BBS9: variants seen among roughly 807,000 people sequenced by gnomAD.
BBS9 encodes the protein Bardet-Biedl syndrome 9.
In BBS9, 89 loss-of-function variants were observed where a neutral mutation model predicts 117.7. That is an observed-to-expected ratio of 0.76 (90% confidence interval 0.64 to 0.90). BBS9 has a LOEUF of 0.90. Among genes scored for constraint, BBS9 ranks in the 40% least tolerant of loss-of-function variants. BBS9 has a pLI of 0.00. For synonymous variants in BBS9, 379 were observed against 370.9 expected (o/e 1.02, Z -0.25); for missense variants, 982 against 1,042.2 (o/e 0.94, Z 0.80).
At chr7:33,502,714 C>CT (rs1250938426) in intron 19 of BBS9, among the ~76,000 whole-genome samples, 1 of 152,182 alleles carries the variant, frequency 6.6e-6, no homozygotes, top group Non-Finnish European at 1.5e-5. Context: ...GCCCCCTACA[C>CT]TCAGCTAGTA....
intron 5 of BBS9, among the ~76,000 whole-genome samples, chr7:33,195,795 G>T (rs1784843027): frequency 6.6e-6 from 1 of 151,770 alleles, no homozygotes; most frequent in South Asian, 2.1e-4. Flanking sequence ...TACTTTGATT[G>T]TTTTTTCAGC....
chr7:33,409,462 A>G (rs1331606356), intron 19 of BBS9, among the ~76,000 whole-genome samples: 3 of 152,128 alleles, frequency 2.0e-5, no homozygotes, highest in African/African-American at 4.8e-5. Context: ...ATTGATGGTT[A>G]TAGGTGTGCA....
chr7:33,215,610 C>T (rs1177155484), intron 5 of BBS9, among the ~76,000 whole-genome samples: 2 of 152,102 alleles, frequency 1.3e-5, no homozygotes, highest in Non-Finnish European at 2.9e-5. Context: ...CAGAAATGCA[C>T]ACACACACAT....
rs145212564 is a variant in BBS9, at chr7:33,614,548, T to C, written c.2522-20629T>C. ...GGTCAGAGGGCAAACCACTGCCCTG[T>C]GGTTTGGAGAAAAATACAGGTGCAT... On this transcript the variant is annotated intron_variant, in intron 21 of 21. Transcript: ENST00000671952. 1.1e-3 allele frequency among the ~76,000 whole-genome samples: 163 copies of C among 152,108 alleles called. 1 individual carries two copies. Among genetic ancestry groups the C allele is most frequent in the African/African-American group, 3.6e-3 (151 of 41,512 alleles).
Position 33,176,317 on chromosome 7 carries a change from T to C in BBS9, c.329-1161T>C, listed in dbSNP as rs1797319266. 3.3e-5 allele frequency among the ~76,000 whole-genome samples: 5 copies of C among 152,160 alleles called. No individual in the cohort carries two copies. In the South Asian group the frequency reaches 1.0e-3, roughly 31 times the overall value. ...CATGGACAGTAAAATCTTTACTGGG[T>C]GCGAGGACCACATTCCCTGAAAGTT... On this transcript the variant is annotated intron_variant, in intron 4 of 22. Coordinates refer to ENST00000242067, the MANE Select transcript of BBS9 (RefSeq NM_198428.3).
chr7:33,528,737 TCA>T (rs1850078964), intron 20 of BBS9, among the ~76,000 whole-genome samples: 1 of 152,196 alleles, frequency 6.6e-6, no homozygotes, highest in African/African-American at 2.4e-5. Flanking sequence ...TTATCTAAGC[TCA>T]CACAGTGAAG....
chr7:33,168,131 T>C (rs1795974606), intron 4 of BBS9, among the ~76,000 whole-genome samples: 1 of 152,236 alleles, frequency 6.6e-6, no homozygotes, highest in African/African-American at 2.4e-5. Flanking sequence ...CAGATAATCC[T>C]GTTTATCTCC....
intron 19 of BBS9, among the ~76,000 whole-genome samples, chr7:33,436,898 T>G (rs962152124): frequency 6.6e-6 from 1 of 152,370 alleles, no homozygotes; most frequent in African/African-American, 2.4e-5. Context: ...AACACATAAG[T>G]TATAAAGCAT....
intron 19 of BBS9, among the ~76,000 whole-genome samples, chr7:33,446,599 A>G (rs1009903353): frequency 2.6e-5 from 4 of 152,190 alleles, no homozygotes; most frequent in Non-Finnish European, 5.9e-5. Context: ...GAAGCTTGGT[A>G]TTTGCCCCAG....
chr7:33,533,742 G>C, intron 20 of BBS9: 1 of 588,308 alleles, frequency 1.7e-6, no homozygotes. Flanking sequence ...AGATGAGGAT[G>C]AGGCTAAGAG....
intron 10 of BBS9, 58 bp downstream of exon 10, chr7:33,336,680 T>A: frequency 8.7e-7 from 1 of 1,149,674 alleles, no homozygotes; most frequent in Non-Finnish European, 1.3e-6. Flanking sequence ...CATATTATCT[T>A]GTAGATAGAT....
At chr7:33,492,811 A>AGTGTGTGT (rs57870306) in intron 19 of BBS9, among the ~76,000 whole-genome samples, 4,952 of 131,572 alleles carry the variant, frequency 0.038, 127 homozygotes, top group Middle Eastern at 0.048. Context: ...TATAGGAGTG[A>AGTGTGTGT]GTGTGTGTGT....
chr7:33,355,194 A>G (rs1444858234), intron 15 of BBS9, among the ~76,000 whole-genome samples: 1 of 151,944 alleles, frequency 6.6e-6, no homozygotes, highest in African/African-American at 2.4e-5. Flanking sequence ...TATTACAAAC[A>G]CATACACCCA....
chr7:33,234,217 T>C (rs907008223), intron 5 of BBS9, among the ~76,000 whole-genome samples: 5 of 152,090 alleles, frequency 3.3e-5, no homozygotes, highest in African/African-American at 4.8e-5. Context: ...TGTATGTATG[T>C]ATAGGAAAAA....
Position 33,597,189 on chromosome 7 carries a change from ATTC to A in BBS9, c.2522-7673_2522-7671del. ...AGCTTCATATTTAAGATAGTGCGAT[ATTC>A]TTTTCAAAGGACCCATTCCTCACAC... On this transcript the variant is annotated intron_variant, in intron 21 of 22. Coordinates refer to ENST00000242067, the MANE Select transcript of BBS9 (RefSeq NM_198428.3). 1.3e-5 allele frequency among the ~76,000 whole-genome samples: 2 copies of A among 152,172 alleles called. 1 individual carries two copies. Among genetic ancestry groups the A allele is most frequent in the Middle Eastern group, 6.8e-3 (2 of 294 alleles).
At chr7:33,290,862 C>G (rs191861191) in intron 9 of BBS9, among the ~76,000 whole-genome samples, 60 of 152,206 alleles carry the variant, frequency 3.9e-4, no homozygotes, top group African/African-American at 1.4e-3. Flanking sequence ...TGTGTATTTG[C>G]TTTATTCCTT....
At position 33,349,092 on chromosome 7, in the gene BBS9, T is replaced by A. The variant is rs760567112; in HGVS notation, c.1354T>A (p.Leu452Met). The change falls in exon 13 of 23, where the codon TTG becomes ATG. Residue 452 changes from leucine (L) to methionine (M), a missense_variant. By Grantham distance (15) the Leu-to-Met change is conservative (BLOSUM62 2). Coordinates refer to ENST00000242067, the MANE Select transcript of BBS9 (RefSeq NM_198428.3). ...GGTCACACTGCAGAACAGAGTGATA[T>A]TGCAAAAAGCCAAATTATCAGTCTA... is the stretch of plus-strand genomic sequence containing the variant. ...VKVTLQNRVILQKAKLSVYVQ... is the reference protein window; with the variant it reads ...VKVTLQNRVIMQKAKLSVYVQ... 10 of 1,611,584 alleles carry A rather than the reference T, an allele frequency of 6.2e-6. No individual in the cohort carries two copies. The East Asian group carries it at 2.0e-4, about 32-fold the overall frequency.
chr7:33,596,172 G>A (rs1862728008), intron 21 of BBS9, among the ~76,000 whole-genome samples: 1 of 149,522 alleles, frequency 6.7e-6, no homozygotes, highest in African/African-American at 2.5e-5. Flanking sequence ...CTTGTATCCT[G>A]GAACTTAAAG....
chr7:33,576,278 C>G (rs1343522661), intron 21 of BBS9, among the ~76,000 whole-genome samples: 1 of 151,980 alleles, frequency 6.6e-6, no homozygotes, highest in Non-Finnish European at 1.5e-5. Flanking sequence ...AAACAGAGAG[C>G]CAAATCATGA....
Sources: allele counts gnomAD v4.1 joint callset (sites outside exome capture counted in the v4.1 genomes callset), GRCh38; gene constraint gnomAD v4.1.1; transcripts MANE v1.5; gene names NCBI Gene and HGNC (gene_info 2026-07-23, HGNC 2026-07-21).